The following MCC variants were observed in gnomAD, a reference collection of about 807,000 sequenced individuals.
The protein encoded by MCC is colorectal mutant cancer protein.
A neutral mutation model predicts 116.2 loss-of-function variants in MCC; 90 were observed. The observed-to-expected ratio is 0.77, with a 90% CI of 0.65 to 0.92. The LOEUF (loss-of-function observed/expected upper bound fraction) is 0.92. Ranked by LOEUF, MCC falls within the 40% of genes least tolerant of loss-of-function variation. MCC has a pLI of 0.00. For synonymous variants in MCC, 578 were observed against 510.5 expected, an observed-to-expected ratio of 1.13 and a Z score of -1.78; for missense variants, 1,516 against 1,312.2, an observed-to-expected ratio of 1.16 and a Z score of -2.40.
At chr5:113,447,593 T>C (rs1162935193) in intron 1 of MCC, among the ~76,000 whole-genome samples, 1 of 152,224 alleles carries the variant, frequency 6.6e-6, no homozygotes, top group Non-Finnish European at 1.5e-5. Context: ...ATGTTCCGTA[T>C]GATTACATTT....
intron 3 of MCC, among the ~76,000 whole-genome samples, chr5:113,239,720 G>A (rs559529298): frequency 3.3e-5 from 5 of 152,266 alleles, no homozygotes; most frequent in African/African-American, 1.2e-4. Context: ...AGCCTGGGGT[G>A]CTTATTTTAG....
chr5:113,104,543 A>G lies in MCC; in HGVS notation c.1028-188T>C, dbSNP rs562553838. 4 of 448,896 alleles carry G rather than the reference A, an allele frequency of 8.9e-6. No homozygotes were observed. In the East Asian group the frequency reaches 1.0e-4, roughly 12 times the overall value. 27.8% of individuals were successfully genotyped at this position (448,896 alleles called of 1,614,324 possible). On this transcript the variant is annotated intron_variant, in intron 6 of 18. Transcript: ENST00000408903. The stretch of plus-strand genomic sequence containing the variant: ...GAGCCAATGCAAAGCTCTTTTTATT[A>G]AAGAGTTTCAGATGATGGTCATTTT...
chr5:113,298,739 C>T (rs988751919), intron 3 of MCC, among the ~76,000 whole-genome samples: 1 of 152,038 alleles, frequency 6.6e-6, no homozygotes, highest in African/African-American at 2.4e-5. Flanking sequence ...AACAAGAGAA[C>T]GAGAGAGTGT....
At chr5:113,189,692 G>A (rs139756391) in intron 3 of MCC, among the ~76,000 whole-genome samples, 323 of 152,332 alleles carry the variant, frequency 2.1e-3, no homozygotes, top group African/African-American at 7.1e-3. Context: ...CAAGCAGGAG[G>A]CTGGCTCCAA....
intron 1 of MCC, among the ~76,000 whole-genome samples, chr5:113,449,483 T>G (rs1771323391): frequency 6.6e-6 from 1 of 152,130 alleles, no homozygotes; most frequent in Non-Finnish European, 1.5e-5. Flanking sequence ...ACCCCAAGAG[T>G]GTACTCTCAG....
intron 3 of MCC, among the ~76,000 whole-genome samples, chr5:113,180,192 GT>G (rs1761549931): frequency 1.3e-5 from 2 of 152,120 alleles, no homozygotes; most frequent in African/African-American, 2.4e-5. Flanking sequence ...ATCGTCACGT[GT>G]TTTTTTATTT....
chr5:113,079,131 T>G (rs1440453198), intron 11 of MCC, among the ~76,000 whole-genome samples: 3 of 152,162 alleles, frequency 2.0e-5, no homozygotes, highest in Admixed American at 6.5e-5. Flanking sequence ...CAAGGAGAAC[T>G]ACAAACCACT....
intron 3 of MCC, among the ~76,000 whole-genome samples, chr5:113,193,061 C>T (rs1472720590): frequency 6.6e-6 from 1 of 152,206 alleles, no homozygotes; most frequent in Non-Finnish European, 1.5e-5. Context: ...CCTATTCTAG[C>T]TTCTGGTAGC....
intron 2 of MCC, among the ~76,000 whole-genome samples, chr5:113,348,423 C>T (rs1335533794): frequency 1.3e-5 from 2 of 151,928 alleles, no homozygotes; most frequent in African/African-American, 2.4e-5. Flanking sequence ...TTTTGAAAAT[C>T]GTACAAACAC....
intron 5 of MCC, 44 bp from the exon 6 acceptor site, chr5:113,122,870 G>C: frequency 6.3e-7 from 1 of 1,592,366 alleles, no homozygotes; most frequent in Non-Finnish European, 8.6e-7. Context: ...GAGGATATAA[G>C]ACAACCCCCT....
intron 2 of MCC, among the ~76,000 whole-genome samples, chr5:113,354,992 G>T (rs1286948468): frequency 6.6e-6 from 1 of 151,726 alleles, no homozygotes; most frequent in Non-Finnish European, 1.5e-5. Context: ...ACATATATAT[G>T]ATATAGATAT....
chr5:113,149,926 A>G (rs980643901), intron 4 of MCC, among the ~76,000 whole-genome samples: 8 of 152,180 alleles, frequency 5.3e-5, no homozygotes, highest in African/African-American at 1.2e-4. Flanking sequence ...AGGAATTCAC[A>G]GGAAAGTAAG....
intron 3 of MCC, among the ~76,000 whole-genome samples, chr5:113,299,479 A>T (rs1445409794): frequency 2.0e-5 from 3 of 152,042 alleles, no homozygotes; most frequent in Non-Finnish European, 4.4e-5. Context: ...GATCTCTGCT[A>T]TCAAGAAAGC....
At chr5:113,120,234 G>A (rs1333536127) in intron 6 of MCC, among the ~76,000 whole-genome samples, 2 of 152,202 alleles carry the variant, frequency 1.3e-5, no homozygotes, top group Non-Finnish European at 2.9e-5. Flanking sequence ...AACTTAGCAT[G>A]TTGGTATGAA....
intron 17 of MCC, among the ~76,000 whole-genome samples, chr5:113,037,445 C>A (rs1315126358): frequency 6.6e-6 from 1 of 152,178 alleles, no homozygotes; most frequent in East Asian, 1.9e-4. Context: ...GTAATCCCAG[C>A]ACTTTGTGAG....
chr5:113,262,294 A>G, intron 3 of MCC, among the ~76,000 whole-genome samples: 1 of 152,090 alleles, frequency 6.6e-6, no homozygotes, highest in East Asian at 1.9e-4. Flanking sequence ...GCTTTCAACT[A>G]TCACATTTGC....
rs745648043 is a variant in MCC at position 113,488,236 on chromosome 5, C to T, written c.170+9G>A. ...GCTCCTGTCGGTTTCCTCGTACCTC[C>T]CCGCGTACCTGCTGATGTATCCGTC... On this transcript the variant is annotated intron_variant, in intron 1 of 18. Coordinates refer to ENST00000408903, the MANE Select transcript of MCC (RefSeq NM_001085377.2). 11 of 1,586,492 alleles carry T rather than the reference C, an allele frequency of 6.9e-6. No homozygotes were observed. Among genetic ancestry groups the T allele is most frequent in the East Asian group, 2.5e-5 (1 of 39,536 alleles).
At chr5:113,435,822 T>C (rs7709433) in intron 1 of MCC, 17,587 of 152,950 alleles carry the variant, frequency 0.11, 1,760 homozygotes, top group African/African-American at 0.27. Context: ...TCCCAGGGCA[T>C]ATCTGGGGCT....
At chr5:113,436,527 G>A (rs998476212) in intron 1 of MCC, 1 of 152,108 alleles carries the variant, frequency 6.6e-6, no homozygotes, top group Non-Finnish European at 1.5e-5. Flanking sequence ...ACAGACTCTG[G>A]CAGTAAGATA....
Sources: gnomAD v4.1 joint callset for allele counts (sites outside exome capture counted in the v4.1 genomes callset) on GRCh38, gnomAD v4.1.1 for gene constraint, MANE v1.5 for transcripts, NCBI Gene and HGNC (gene_info 2026-07-23, HGNC 2026-07-21) for gene names.